The following GALNTL6 variants were observed in gnomAD, a reference collection of about 807,000 sequenced individuals.
The protein encoded by GALNTL6 is polypeptide N-acetylgalactosaminyltransferase like 6, also known as polypeptide N-acetylgalactosaminyltransferase-like 6.
GALNTL6 carries 46 observed loss-of-function variants against 73.7 expected under a neutral mutation model. The ratio of observed to expected loss-of-function variants is 0.62; its 90% CI spans 0.49 to 0.80. The LOEUF is 0.80. GALNTL6 is among the 30% of genes least tolerant of loss of function. The probability of loss-of-function intolerance (pLI) is 0.00; values close to 1 mark genes in which losing one functional copy is unlikely to be tolerated. For synonymous variants in GALNTL6, 259 were observed against 263.7 expected, an observed-to-expected ratio of 0.98 and a Z score of 0.17; for missense variants, 604 against 755.0, an observed-to-expected ratio of 0.80 and a Z score of 2.34.
At chr4:172,565,405 G>A (rs1326627503) in intron 5 of GALNTL6, among the ~76,000 whole-genome samples, 1 of 152,080 alleles carries the variant, frequency 6.6e-6, no homozygotes, top group Non-Finnish European at 1.5e-5. Context: ...CACATTACTC[G>A]ATTTGTATAT....
intron 2 of GALNTL6, among the ~76,000 whole-genome samples, chr4:172,214,634 C>T (rs895257882): frequency 3.3e-5 from 5 of 151,618 alleles, no homozygotes; most frequent in South Asian, 4.2e-4. Flanking sequence ...CCTGCTTCAG[C>T]CTCCTAAGTA....
intron 5 of GALNTL6, among the ~76,000 whole-genome samples, chr4:172,589,743 A>G (rs1737560182): frequency 6.6e-6 from 1 of 152,184 alleles, no homozygotes; most frequent in South Asian, 2.1e-4. Flanking sequence ...AATATTTTTC[A>G]GTCACTTTAA....
intron 5 of GALNTL6, among the ~76,000 whole-genome samples, chr4:172,379,126 A>G (rs2111276995): frequency 6.6e-6 from 1 of 152,356 alleles, no homozygotes; most frequent in East Asian, 1.9e-4. Flanking sequence ...TCACAGTGTT[A>G]TTATTGAGAG....
intron 5 of GALNTL6, among the ~76,000 whole-genome samples, chr4:172,579,499 T>C (rs1737087202): frequency 6.6e-6 from 1 of 152,168 alleles, no homozygotes; most frequent in South Asian, 2.1e-4. Flanking sequence ...CCAATTTTGG[T>C]GGTCTCGGCT....
At chr4:172,154,423 G>A (rs1291321552) in intron 2 of GALNTL6, among the ~76,000 whole-genome samples, 1 of 151,948 alleles carries the variant, frequency 6.6e-6, no homozygotes. Context: ...GTAGAGACGG[G>A]GCTTCTCCAT....
At chr4:171,897,137 A>G (rs1736942370) in intron 2 of GALNTL6, among the ~76,000 whole-genome samples, 1 of 152,122 alleles carries the variant, frequency 6.6e-6, no homozygotes, top group Non-Finnish European at 1.5e-5. Context: ...GAAAAAATCT[A>G]GAAATTGAGA....
At chr4:172,523,142 A>G (rs922312434) in intron 5 of GALNTL6, among the ~76,000 whole-genome samples, 2 of 152,218 alleles carry the variant, frequency 1.3e-5, no homozygotes, top group African/African-American at 4.8e-5. Flanking sequence ...TGAGGGACTC[A>G]GGATGTACTT....
intron 2 of GALNTL6, among the ~76,000 whole-genome samples, chr4:171,896,633 G>A (rs1007252171): frequency 1.3e-5 from 2 of 152,134 alleles, no homozygotes; most frequent in Non-Finnish European, 2.9e-5. Flanking sequence ...AGGATAAGAG[G>A]TCTTTCTGTT....
chr4:172,626,471 T>G (rs756862146), intron 5 of GALNTL6, among the ~76,000 whole-genome samples: 37 of 152,104 alleles, frequency 2.4e-4, no homozygotes, highest in Non-Finnish European at 4.0e-4. Context: ...TCTTTCTGTT[T>G]AGGATTGCTT....
intron 5 of GALNTL6, among the ~76,000 whole-genome samples, chr4:172,794,333 G>A (rs923530657): frequency 6.6e-6 from 1 of 152,154 alleles, no homozygotes; most frequent in East Asian, 1.9e-4. Flanking sequence ...ATTTAAAAAT[G>A]ACTCCTTGGA....
intron 2 of GALNTL6, among the ~76,000 whole-genome samples, chr4:171,822,250 T>C (rs1186606773): frequency 6.6e-6 from 1 of 152,190 alleles, no homozygotes; most frequent in Non-Finnish European, 1.5e-5. Flanking sequence ...GAGTTAGCAT[T>C]TTTTTCAGTA....
intron 5 of GALNTL6, among the ~76,000 whole-genome samples, chr4:172,592,670 G>GTCTATCTA (rs5864141): frequency 0.31 from 44,379 of 141,870 alleles, 7,343 homozygotes; most frequent in East Asian, 0.48. Context: ...CTGTCTGTCT[G>GTCTATCTA]TCTATCTATC....
chr4:171,816,740 A>G (rs1051921213), intron 2 of GALNTL6, among the ~76,000 whole-genome samples: 3 of 152,188 alleles, frequency 2.0e-5, no homozygotes, highest in Middle Eastern at 3.4e-3. Flanking sequence ...AATGAAAAAT[A>G]TAATTCACTG....
chr4:172,821,344 A>T (rs1741915389), intron 7 of GALNTL6, among the ~76,000 whole-genome samples: 1 of 152,212 alleles, frequency 6.6e-6, no homozygotes, highest in Admixed American at 6.5e-5. Flanking sequence ...ACTCAAGTTA[A>T]TGCCTTCTTT....
At chr4:172,386,622 C>T (rs56249246) in intron 5 of GALNTL6, among the ~76,000 whole-genome samples, 5,023 of 152,176 alleles carry the variant, frequency 0.033, 104 homozygotes, top group Non-Finnish European at 0.035. Context: ...CATCATGGCT[C>T]AGCCTAAGTC....
intron 2 of GALNTL6, among the ~76,000 whole-genome samples, chr4:171,862,513 G>A (rs992955902): frequency 6.6e-6 from 1 of 151,964 alleles, no homozygotes; most frequent in Non-Finnish European, 1.5e-5. Flanking sequence ...AAAATATATT[G>A]TAATTATCAT....
Position 172,098,890 on chromosome 4 carries a change from G to A in GALNTL6, c.139-130766G>A, listed in dbSNP as rs114534701. On this transcript the variant is annotated intron_variant, in intron 2 of 12. Transcript: ENST00000506823. ...GTACTCCACCCCCAAACAAATTATC[G>A]GACCCTAAAGGGGAGGCTGTTGGCA... is the stretch of plus-strand genomic sequence containing the variant. 7.2e-3 allele frequency among the ~76,000 whole-genome samples: 1,100 copies of A among 152,130 alleles called. 19 individuals are homozygous for A. Among genetic ancestry groups the A allele is most frequent in the African/African-American group, 0.024 (1,002 of 41,500 alleles).
chr4:172,869,394 C>T (rs577910191), intron 7 of GALNTL6, among the ~76,000 whole-genome samples: 16 of 151,890 alleles, frequency 1.1e-4, no homozygotes, highest in Admixed American at 5.2e-4. Context: ...GTGGAGTGTG[C>T]GTCAGGAAAG....
chr4:172,848,396 CATA>C (rs1560990742), intron 7 of GALNTL6, among the ~76,000 whole-genome samples: 1 of 152,070 alleles, frequency 6.6e-6, no homozygotes, highest in Non-Finnish European at 1.5e-5. Flanking sequence ...ATGTAATTAA[CATA>C]ATAATATATA....
Sources: allele counts gnomAD v4.1 joint callset (sites outside exome capture counted in the v4.1 genomes callset), GRCh38; gene constraint gnomAD v4.1.1; transcripts MANE v1.5; gene names NCBI Gene and HGNC (gene_info 2026-07-23, HGNC 2026-07-21).